Variants in CAMK1D observed in about 807,000 individuals in gnomAD.
CAMK1D encodes the protein calcium/calmodulin dependent protein kinase ID.
A neutral mutation model predicts 47.7 loss-of-function variants in CAMK1D; 9 were observed. That is an observed-to-expected ratio of 0.19 (90% CI 0.11 to 0.33). The LOEUF (loss-of-function observed/expected upper bound fraction) is 0.33. Ranked by LOEUF, CAMK1D falls within the 10% of genes least tolerant of loss-of-function variation. The pLI is 1.00. For synonymous variants in CAMK1D, 184 were observed against 184.9 expected, an observed-to-expected ratio of 0.99 and a Z score of 0.04; for missense variants, 291 against 488.7, an observed-to-expected ratio of 0.60 and a Z score of 3.81.
At chr10:12,799,367 T>C (rs1838330792) in intron 6 of CAMK1D, among the ~76,000 whole-genome samples, 1 of 151,688 alleles carries the variant, frequency 6.6e-6, no homozygotes, top group Non-Finnish European at 1.5e-5. Context: ...TGTCAGCCTA[T>C]GCAGATGCGT....
At chr10:12,391,524 T>A (rs45602532) in intron 1 of CAMK1D, among the ~76,000 whole-genome samples, 300 of 152,180 alleles carry the variant, frequency 2.0e-3, no homozygotes, top group Non-Finnish European at 3.5e-3. Context: ...CCGTTTTTTT[T>A]AAAAAAAATT....
At chr10:12,798,806 C>T (rs1410903128) in intron 6 of CAMK1D, among the ~76,000 whole-genome samples, 1 of 152,234 alleles carries the variant, frequency 6.6e-6, no homozygotes, top group African/African-American at 2.4e-5. Flanking sequence ...AATATAGTCT[C>T]TGAATTATCA....
intron 2 of CAMK1D, among the ~76,000 whole-genome samples, chr10:12,578,144 G>A (rs1837549187): frequency 6.6e-6 from 1 of 152,040 alleles, no homozygotes; most frequent in South Asian, 2.1e-4. Flanking sequence ...GCACCATCAT[G>A]GCTCACTGCA....
chr10:12,832,499 T>C lies in CAMK1D; in HGVS notation c.*3612T>C, dbSNP rs1432324327. The C allele has an allele frequency of 6.6e-6, 1 of 152,368 alleles. No homozygotes were observed. Among genetic ancestry groups the C allele is most frequent in the East Asian group, 1.9e-4 (1 of 5,178 alleles). 9.4% of individuals were successfully genotyped at this position (152,368 alleles called of 1,614,324 possible). On this transcript the variant is annotated 3_prime_UTR_variant, in exon 11 of 11. Coordinates refer to ENST00000619168, the MANE Select transcript of CAMK1D (RefSeq NM_153498.4). Reference sequence around the variant, plus strand: ...CAACCCCCAGGACCATGCACGGCTCTGGCAGTGCACAGTGGCTGATTTTCA... The same window carrying C: ...CAACCCCCAGGACCATGCACGGCTCCGGCAGTGCACAGTGGCTGATTTTCA...
chr10:12,596,813 C>T (rs1167020613), intron 2 of CAMK1D, among the ~76,000 whole-genome samples: 3 of 152,126 alleles, frequency 2.0e-5, no homozygotes, highest in African/African-American at 7.2e-5. Flanking sequence ...TCCAGTCCCC[C>T]TTTCCCACCC....
At chr10:12,533,484 C>A (rs1835872546) in intron 1 of CAMK1D, among the ~76,000 whole-genome samples, 1 of 152,154 alleles carries the variant, frequency 6.6e-6, no homozygotes, top group Admixed American at 6.5e-5. Context: ...CCATAAACTT[C>A]CGATCTGTTT....
intron 1 of CAMK1D, among the ~76,000 whole-genome samples, chr10:12,409,235 G>A (rs551209734): frequency 9.5e-4 from 144 of 152,152 alleles, no homozygotes; most frequent in African/African-American, 3.2e-3. Context: ...TCAGCACCAC[G>A]TTTGAGCAGG....
At chr10:12,602,526 A>T (rs2132391180) in intron 2 of CAMK1D, among the ~76,000 whole-genome samples, 1 of 152,088 alleles carries the variant, frequency 6.6e-6, no homozygotes, top group Non-Finnish European at 1.5e-5. Flanking sequence ...GCCATTTGGG[A>T]CAGAGCACAG....
At chr10:12,764,106 C>G (rs556052861) in intron 4 of CAMK1D, among the ~76,000 whole-genome samples, 3 of 152,130 alleles carry the variant, frequency 2.0e-5, no homozygotes, top group Non-Finnish European at 4.4e-5. Context: ...ATTGGCTGGG[C>G]GCGGAGGCTC....
chr10:12,593,529 G>A (rs914682627), intron 2 of CAMK1D, among the ~76,000 whole-genome samples: 4 of 152,186 alleles, frequency 2.6e-5, no homozygotes, highest in Non-Finnish European at 5.9e-5. Context: ...GGCGGAGGTT[G>A]CGATGAGCCA....
chr10:12,489,753 C>A (rs933158290), intron 1 of CAMK1D, among the ~76,000 whole-genome samples: 1 of 152,180 alleles, frequency 6.6e-6, no homozygotes, highest in Non-Finnish European at 1.5e-5. Flanking sequence ...TGTTTAGTCT[C>A]TTCCACCATC....
intron 1 of CAMK1D, among the ~76,000 whole-genome samples, chr10:12,388,470 C>G (rs1838601976): frequency 6.6e-6 from 1 of 152,158 alleles, no homozygotes; most frequent in South Asian, 2.1e-4. Flanking sequence ...GAGGCAAAAA[C>G]TGGTTTACAG....
intron 3 of CAMK1D, among the ~76,000 whole-genome samples, chr10:12,746,778 A>G (rs1377909800): frequency 1.3e-5 from 2 of 152,198 alleles, no homozygotes; most frequent in Non-Finnish European, 2.9e-5. Flanking sequence ...GAGCCACGCC[A>G]CAGCTGGGGG....
chr10:12,736,122 C>T (rs571174441), intron 3 of CAMK1D, among the ~76,000 whole-genome samples: 16 of 152,322 alleles, frequency 1.1e-4, no homozygotes, highest in Non-Finnish European at 1.5e-4. Flanking sequence ...TGGCGCCAAA[C>T]GGCAGGACTT....
chr10:12,757,096 C>G (rs1836264622), intron 3 of CAMK1D, among the ~76,000 whole-genome samples: 1 of 152,140 alleles, frequency 6.6e-6, no homozygotes, highest in African/African-American at 2.4e-5. Context: ...TCCTAAGAAG[C>G]TGAGCCTCTC....
chr10:12,763,112 C>G (rs1346172750), intron 4 of CAMK1D, among the ~76,000 whole-genome samples: 2 of 152,182 alleles, frequency 1.3e-5, no homozygotes, highest in Admixed American at 1.3e-4. Flanking sequence ...TTTGCAGCTT[C>G]CATCCTGTGG....
chr10:12,750,183 T>C (rs187538228), intron 3 of CAMK1D, among the ~76,000 whole-genome samples: 86 of 152,338 alleles, frequency 5.6e-4, no homozygotes, highest in Middle Eastern at 3.4e-3. Flanking sequence ...TTGTTTTTTT[T>C]CCCAGGCGCT....
chr10:12,486,792 A>C (rs1834232245), intron 1 of CAMK1D, among the ~76,000 whole-genome samples: 2 of 152,166 alleles, frequency 1.3e-5, no homozygotes, highest in African/African-American at 4.8e-5. Context: ...TTCATGCATT[A>C]CCAGGCACTG....
At chr10:12,797,196 C>CCTT (rs1838233293) in intron 6 of CAMK1D, among the ~76,000 whole-genome samples, 1 of 137,546 alleles carries the variant, frequency 7.3e-6, no homozygotes, top group African/African-American at 2.7e-5. Flanking sequence ...TGACCAGTTC[C>CCTT]TTTTTTTTTT....
Sources: allele counts gnomAD v4.1 joint callset (sites outside exome capture counted in the v4.1 genomes callset), GRCh38; gene constraint gnomAD v4.1.1; transcripts MANE v1.5; gene names NCBI Gene and HGNC (gene_info 2026-07-23, HGNC 2026-07-21).